Variants in SLC35F1 observed in about 807,000 individuals in gnomAD.
SLC35F1 encodes solute carrier family 35 member F1.
A neutral mutation model predicts 48.7 loss-of-function variants in SLC35F1; 14 were observed. That is an observed-to-expected ratio of 0.29 (90% CI 0.19 to 0.45). The LOEUF (loss-of-function observed/expected upper bound fraction) is 0.45, where lower values mean the gene tolerates loss of function less well. Ranked by LOEUF, SLC35F1 falls within the 20% of genes least tolerant of loss-of-function variation. SLC35F1 has a pLI of 1.00. For missense variants in SLC35F1, 404 were observed against 500.0 expected (o/e 0.81, Z 1.83); for synonymous variants, 190 against 202.2 (o/e 0.94, Z 0.51).
intron 2 of SLC35F1, among the ~76,000 whole-genome samples, chr6:118,214,794 A>G (rs1775050745): frequency 1.3e-5 from 2 of 152,182 alleles, no homozygotes; most frequent in African/African-American, 4.8e-5. Context: ...GAAGGTGAAG[A>G]ATAGTAAGCC....
At chr6:117,911,191 T>G (rs1284880825) in intron 1 of SLC35F1, among the ~76,000 whole-genome samples, 2 of 152,178 alleles carry the variant, frequency 1.3e-5, no homozygotes, top group Admixed American at 6.5e-5. Context: ...CTAGATAATT[T>G]TTTAAAATAA....
At chr6:118,061,073 T>G (rs1178601168) in intron 1 of SLC35F1, among the ~76,000 whole-genome samples, 1 of 152,232 alleles carries the variant, frequency 6.6e-6, no homozygotes, top group African/African-American at 2.4e-5. Context: ...CTTGATAAAC[T>G]TATTGACAAG....
intron 7 of SLC35F1, among the ~76,000 whole-genome samples, chr6:118,288,610 T>C (rs1438113352): frequency 1.3e-5 from 2 of 152,178 alleles, no homozygotes; most frequent in East Asian, 1.9e-4. Flanking sequence ...AGAGAATAGA[T>C]TGTAAATGTT....
chr6:118,205,874 G>A (rs1191903608), intron 2 of SLC35F1, among the ~76,000 whole-genome samples: 1 of 152,128 alleles, frequency 6.6e-6, no homozygotes, highest in Non-Finnish European at 1.5e-5. Context: ...AGTGAAATAA[G>A]CCAGACACAA....
At chr6:118,287,123 G>C (rs1051794114) in intron 7 of SLC35F1, among the ~76,000 whole-genome samples, 1 of 152,120 alleles carries the variant, frequency 6.6e-6, no homozygotes, top group African/African-American at 2.4e-5. Context: ...GTCCTCATAA[G>C]GGTAAAAAGC....
chr6:117,955,488 T>C (rs1490260097), intron 1 of SLC35F1, among the ~76,000 whole-genome samples: 2 of 152,230 alleles, frequency 1.3e-5, no homozygotes, highest in South Asian at 4.1e-4. Flanking sequence ...AGAAACTTGC[T>C]GGAGTGCAGG....
intron 2 of SLC35F1, among the ~76,000 whole-genome samples, chr6:118,206,213 G>T (rs960689458): frequency 3.3e-5 from 5 of 152,146 alleles, no homozygotes; most frequent in African/African-American, 1.2e-4. Context: ...AAAGAAAACA[G>T]CCACTACACT....
intron 1 of SLC35F1, among the ~76,000 whole-genome samples, chr6:118,016,478 T>G (rs148201371): frequency 3.9e-4 from 60 of 152,326 alleles, no homozygotes; most frequent in African/African-American, 1.4e-3. Context: ...ATGAAAACAT[T>G]TGTCATGTCT....
At position 118,313,956 on chromosome 6, in the gene SLC35F1, T is replaced by G. The variant is rs1268684360; in HGVS notation, c.1003-72T>G. On this transcript the variant is annotated intron_variant, in intron 7 of 7. Transcript: ENST00000360388. ...GAGAAGAAGCAGCTCTGCTCATGTT[T>G]CTGTGTGCCTCATTAATGTGTCAGT... 15 of 1,393,692 alleles carry G rather than the reference T, an allele frequency of 1.1e-5. No individual in the cohort carries two copies. The East Asian group carries it at 3.4e-4, about 32-fold the overall frequency. The allele number at this position is 1,393,692 out of a possible 1,614,324, so 86.3% of individuals were successfully genotyped here. A position where few individuals can be genotyped will look rare whatever the true frequency, so the allele number is the denominator to read the frequency against.
intron 1 of SLC35F1, among the ~76,000 whole-genome samples, chr6:117,975,842 C>T (rs565845897): frequency 6.6e-6 from 1 of 152,244 alleles, no homozygotes; most frequent in African/African-American, 2.4e-5. Flanking sequence ...AGAAAAGTTA[C>T]TATCTTCTAT....
chr6:118,169,757 G>A (rs557992095), intron 2 of SLC35F1, among the ~76,000 whole-genome samples: 7 of 151,604 alleles, frequency 4.6e-5, no homozygotes, highest in Admixed American at 3.3e-4. Flanking sequence ...TTGAAATCAG[G>A]ATTTAAAAAA....
At chr6:118,261,242 A>G (rs1171816202) in intron 3 of SLC35F1, among the ~76,000 whole-genome samples, 1 of 152,198 alleles carries the variant, frequency 6.6e-6, no homozygotes, top group Non-Finnish European at 1.5e-5. Flanking sequence ...AGTCAATATC[A>G]TACTTGGCCT....
At chr6:118,031,526 C>T (rs190305511) in intron 1 of SLC35F1, among the ~76,000 whole-genome samples, 59 of 152,232 alleles carry the variant, frequency 3.9e-4, no homozygotes, top group African/African-American at 1.4e-3. Context: ...CTCTAAAATC[C>T]TAGTGATGCA....
chr6:118,126,294 T>C (rs978489428), intron 1 of SLC35F1, among the ~76,000 whole-genome samples: 2 of 152,338 alleles, frequency 1.3e-5, no homozygotes, highest in East Asian at 3.9e-4. Flanking sequence ...TAGTTGTAGA[T>C]ATGCGGCGTT....
At chr6:118,041,215 A>T (rs1772214790) in intron 1 of SLC35F1, among the ~76,000 whole-genome samples, 1 of 152,212 alleles carries the variant, frequency 6.6e-6, no homozygotes, top group Non-Finnish European at 1.5e-5. Context: ...ATGAAGATTT[A>T]TAAAGGAGGT....
chr6:118,145,000 G>A (rs919964902), intron 1 of SLC35F1, among the ~76,000 whole-genome samples: 5 of 151,814 alleles, frequency 3.3e-5, no homozygotes, highest in Non-Finnish European at 5.9e-5. Flanking sequence ...CCCATTTAAA[G>A]TGTACAATTC....
intron 1 of SLC35F1, among the ~76,000 whole-genome samples, chr6:117,987,343 CTCT>C (rs1329345890): frequency 6.7e-6 from 1 of 149,834 alleles, no homozygotes; most frequent in Non-Finnish European, 1.5e-5. Context: ...CTTCCTCCTC[CTCT>C]TATTCGTCCA....
intron 1 of SLC35F1, among the ~76,000 whole-genome samples, chr6:117,937,018 G>T (rs1201241571): frequency 1.4e-5 from 2 of 140,818 alleles, no homozygotes; most frequent in Non-Finnish European, 2.9e-5. Flanking sequence ...TCATAACAAT[G>T]GATGCCAGAC....
chr6:118,146,324 G>C (rs1773972705), intron 1 of SLC35F1, among the ~76,000 whole-genome samples: 2 of 152,072 alleles, frequency 1.3e-5, no homozygotes, highest in Non-Finnish European at 2.9e-5. Context: ...GATTTCTTCT[G>C]AATTAAAACT....
Sources: allele counts gnomAD v4.1 joint callset (sites outside exome capture counted in the v4.1 genomes callset), GRCh38; gene constraint gnomAD v4.1.1; transcripts MANE v1.5; gene names NCBI Gene and HGNC (gene_info 2026-07-23, HGNC 2026-07-21).